Variants in CENPP observed in about 807,000 individuals in gnomAD.
CENPP encodes centromere protein P.
A neutral mutation model predicts 35.6 loss-of-function variants in CENPP; 24 were observed. The ratio of observed to expected loss-of-function variants is 0.67; its 90% CI spans 0.49 to 0.95. The LOEUF is 0.95. Ranked by LOEUF, CENPP falls within the 40% of genes least tolerant of loss-of-function variation. The pLI, the probability that CENPP is intolerant of heterozygous loss-of-function variation, is 0.00. For synonymous variants in CENPP, 120 were observed against 125.5 expected (o/e 0.96, Z 0.29); for missense variants, 332 against 345.3 (o/e 0.96, Z 0.31).
chr9:92,344,153 A>G (rs1841208721), intron 3 of CENPP, among the ~76,000 whole-genome samples: 1 of 152,066 alleles, frequency 6.6e-6, no homozygotes, highest in Admixed American at 6.6e-5. Context: ...CTCTTCCCTT[A>G]TTTACCAACT....
intron 5 of CENPP, among the ~76,000 whole-genome samples, chr9:92,449,628 A>G (rs1844649795): frequency 6.6e-6 from 1 of 152,014 alleles, no homozygotes; most frequent in South Asian, 2.1e-4. Context: ...TTTAATCCCC[A>G]ATGTTGGAGG....
chr9:92,483,289 C>T (rs1010868637), intron 5 of CENPP, among the ~76,000 whole-genome samples: 6 of 150,532 alleles, frequency 4.0e-5, no homozygotes, highest in Admixed American at 1.3e-4. Context: ...AGTGCGGTGG[C>T]GCAATCTTGG....
At chr9:92,443,358 T>G (rs1192304835) in intron 5 of CENPP, among the ~76,000 whole-genome samples, 2 of 152,196 alleles carry the variant, frequency 1.3e-5, no homozygotes, top group Non-Finnish European at 2.9e-5. Context: ...GCCTCTGAGC[T>G]ATCAGTAACC....
intron 5 of CENPP, chr9:92,403,379 A>G: frequency 3.7e-6 from 6 of 1,613,098 alleles, no homozygotes; most frequent in Non-Finnish European, 5.1e-6. Flanking sequence ...AAGCAGTAAC[A>G]GGAGAAGTGT....
Position 92,476,107 on chromosome 9 carries a change from G to A in CENPP, c.564+96248G>A, listed in dbSNP as rs546496164. Among the ~76,000 whole-genome samples, 2 of 152,278 alleles carry A rather than the reference G, an allele frequency of 1.3e-5. No homozygotes were observed. The highest frequency in any genetic ancestry group is 2.4e-5 in the African/African-American group (1 of 41,556). On this transcript the variant is annotated intron_variant, in intron 5 of 7. Coordinates refer to ENST00000375587, the MANE Select transcript of CENPP (RefSeq NM_001012267.3). The surrounding 1 kb of genome is among the most constrained non-coding windows in gnomAD (Gnocchi z 4.1). ...AGGAGGGCATCCACTCACCACCACA[G>A]CAGAGGGCTCCGCAGACCCTAATAG...
chr9:92,482,753 C>T (rs993383462), intron 5 of CENPP, among the ~76,000 whole-genome samples: 2 of 152,150 alleles, frequency 1.3e-5, no homozygotes, highest in Non-Finnish European at 2.9e-5. Context: ...TCAAAAATTA[C>T]TCAACCTGTA....
chr9:92,351,429 G>A (rs187287106), intron 4 of CENPP, among the ~76,000 whole-genome samples: 6 of 149,604 alleles, frequency 4.0e-5, no homozygotes, highest in South Asian at 2.1e-4. Flanking sequence ...GTGGTGAGCC[G>A]AGAGCACCAC....
At chr9:92,565,864 G>A (rs1849954722) in intron 5 of CENPP, among the ~76,000 whole-genome samples, 1 of 152,000 alleles carries the variant, frequency 6.6e-6, no homozygotes, top group South Asian at 2.1e-4. Flanking sequence ...CTGATACTTG[G>A]CACAGAGACA....
intron 5 of CENPP, among the ~76,000 whole-genome samples, chr9:92,555,546 T>C (rs1308161526): frequency 1.3e-5 from 2 of 152,148 alleles, no homozygotes; most frequent in African/African-American, 4.8e-5. Context: ...TTTTAATTAC[T>C]ATTTCAGTCT....
At chr9:92,507,108 G>A (rs1337757026) in intron 5 of CENPP, among the ~76,000 whole-genome samples, 1 of 152,026 alleles carries the variant, frequency 6.6e-6, no homozygotes, top group Non-Finnish European at 1.5e-5. Flanking sequence ...GGACAACAAC[G>A]TCTGGCTCTC....
At position 92,613,105 on chromosome 9, in the gene CENPP, C is replaced by A. The variant is rs1426415550; in HGVS notation, c.823C>A (p.Leu275Met). 1.2e-6 allele frequency: 2 copies of A among 1,614,186 alleles called. No individual in the cohort carries two copies. Among genetic ancestry groups the A allele is most frequent in the Non-Finnish European group, 1.7e-6 (2 of 1,180,032 alleles). ...AGGACTGCTTGGAATCGAAGCTGCT[C>A]TGGAAAGCCTGATAAAATCGCTTTG... ...LVGLLGIEAA[L>M]ESLIKSLCAE... is the part of the protein sequence containing the mutation. Residue 275 changes from leucine to methionine, a missense_variant, in exon 8 of 8, where the codon CTG becomes ATG. Leu to Met is a conservative substitution (Grantham distance 15, BLOSUM62 2). Coordinates refer to ENST00000375587, the MANE Select transcript of CENPP (RefSeq NM_001012267.3).
chr9:92,583,349 A>C (rs920574375), intron 5 of CENPP, among the ~76,000 whole-genome samples: 12 of 152,218 alleles, frequency 7.9e-5, no homozygotes, highest in African/African-American at 2.7e-4. Context: ...ATTTATCTTT[A>C]CTTCCTGAAG....
chr9:92,534,351 A>C (rs1849039684), intron 5 of CENPP, among the ~76,000 whole-genome samples: 1 of 152,194 alleles, frequency 6.6e-6, no homozygotes. Flanking sequence ...CATCTGCCAG[A>C]ATCATCTTCC....
rs968176683 is a variant in CENPP at position 92,452,842 on chromosome 9, C to T, written c.564+72983C>T. Among the ~76,000 whole-genome samples, 160 of 152,162 alleles carry T rather than the reference C, an allele frequency of 1.1e-3. 1 individual carries two copies. The highest frequency in any genetic ancestry group is 3.5e-3 in the African/African-American group (146 of 41,516). On this transcript the variant is annotated intron_variant, in intron 5 of 7. Transcript: ENST00000375587. ...TTTAGTCTTGGGAGGGTGTATGTGTCGAGGAATTTATCCATTTCTTCTAGA... is the reference window on the plus strand; with the variant it reads ...TTTAGTCTTGGGAGGGTGTATGTGTTGAGGAATTTATCCATTTCTTCTAGA...
chr9:92,508,609 A>G (rs547605001), intron 5 of CENPP, among the ~76,000 whole-genome samples: 1 of 152,320 alleles, frequency 6.6e-6, no homozygotes, highest in East Asian at 1.9e-4. Flanking sequence ...TAGAAACTGA[A>G]TTTTCTAATG....
At chr9:92,518,510 TG>T (rs1177383579) in intron 5 of CENPP, among the ~76,000 whole-genome samples, 1 of 152,238 alleles carries the variant, frequency 6.6e-6, no homozygotes, top group East Asian at 1.9e-4. Flanking sequence ...CATGCTTCCG[TG>T]GTGCTTCTCA....
intron 5 of CENPP, chr9:92,464,782 A>G: frequency 1.3e-6 from 1 of 745,924 alleles, no homozygotes; most frequent in East Asian, 2.6e-5. Flanking sequence ...ATGTGTGTGT[A>G]GACTATATTG....
intron 5 of CENPP, among the ~76,000 whole-genome samples, chr9:92,554,655 C>T (rs1450130133): frequency 2.0e-5 from 3 of 151,420 alleles, no homozygotes; most frequent in African/African-American, 2.4e-5. Flanking sequence ...TTGTTTTTTC[C>T]GAGATGGAGT....
intron 3 of CENPP, among the ~76,000 whole-genome samples, chr9:92,342,706 G>C (rs1841161079): frequency 6.6e-6 from 1 of 152,172 alleles, no homozygotes; most frequent in East Asian, 1.9e-4. Flanking sequence ...TACTTGGGGA[G>C]GGAAAAACAA....
Sources: gnomAD v4.1 joint callset for allele counts (sites outside exome capture counted in the v4.1 genomes callset) on GRCh38, gnomAD v4.1.1 for gene constraint, Gnocchi (gnomAD v3.1) non-coding constraint, MANE v1.5 for transcripts, NCBI Gene and HGNC (gene_info 2026-07-23, HGNC 2026-07-21) for gene names.